The following BRME1 variants were observed in gnomAD, a reference collection of about 807,000 sequenced individuals.
BRME1 encodes break repair meiotic recombinase recruitment factor 1.
A neutral mutation model predicts 52.6 loss-of-function variants in BRME1; 31 were observed. The observed-to-expected ratio is 0.59, with a 90% CI of 0.44 to 0.80. The LOEUF is 0.80. Ranked by LOEUF, BRME1 falls within the 30% of genes least tolerant of loss-of-function variation. BRME1 has a pLI of 0.00. For missense variants in BRME1, 804 were observed against 860.3 expected (o/e 0.93, Z 0.82); for synonymous variants, 359 against 353.6 (o/e 1.02, Z -0.17).
Position 13,895,305 on chromosome 19 carries a change from C to A in BRME1, c.206+67G>T, listed in dbSNP as rs555114774. ...GGTCTCTTTCCCAAAGCATTGCTGT[C>A]TGCTGAGCTGCTGTGCTATGTGGAC... is the stretch of plus-strand genomic sequence containing the variant. On this transcript the variant is annotated intron_variant, in intron 3 of 8. Transcript: ENST00000586783. 1.4e-5 allele frequency: 21 copies of A among 1,500,520 alleles called. No homozygotes were observed. In the East Asian group the frequency reaches 4.6e-4, roughly 33 times the overall value. The allele number at this position is 1,500,520 out of a possible 1,614,324, so 93.0% of individuals were successfully genotyped here. A position where few individuals can be genotyped will look rare whatever the true frequency, so the allele number is the denominator to read the frequency against.
intron 7 of BRME1, chr19:13,885,607 T>G: frequency 4.5e-6 from 1 of 223,016 alleles, no homozygotes; most frequent in Non-Finnish European, 8.9e-6. Flanking sequence ...AGCCAACAGT[T>G]CTGAGCCCTG....
At chr19:13,889,140 G>A (rs369147070) in intron 6 of BRME1, 48 bp downstream of exon 6, 161 of 1,489,574 alleles carry the variant, frequency 1.1e-4, no homozygotes, top group Non-Finnish European at 1.4e-4. Context: ...TGTGGAGGTT[G>A]GGTGCCTGCC....
rs1968800433 is a variant in BRME1, at chr19:13,883,751, C to T, written c.1764-351G>A. ...CCGCAGCTGTGCACCACCTGCCTGC[C>T]CCGTGCCCTCCCCTCATCCCCCGCT... On this transcript the variant is annotated intron_variant, in intron 7 of 8. Transcript: ENST00000586783. This position sits in a 1 kb window ranked among gnomAD's most constrained non-coding sequence, Gnocchi z 4.2. Among the ~76,000 whole-genome samples the T allele has an allele frequency of 6.6e-6, 1 of 151,932 alleles. No homozygotes were observed. The highest frequency in any genetic ancestry group is 1.5e-5 in the Non-Finnish European group (1 of 67,972).
intron 6 of BRME1, among the ~76,000 whole-genome samples, chr19:13,886,733 G>A (rs1969050097): frequency 1.3e-5 from 2 of 151,056 alleles, no homozygotes; most frequent in Admixed American, 1.3e-4. Context: ...GCTGAGGTGG[G>A]AGGATTGTTT....
In BRME1 at chr19:13,883,048, G is replaced by A. The variant is rs1968754676; in HGVS notation, c.1857-96C>T. ...AGCCACATGGTCACCAATGACTCAGGTGCACACACACGGCTCACACACGTG... is the reference window on the plus strand; with the variant it reads ...AGCCACATGGTCACCAATGACTCAGATGCACACACACGGCTCACACACGTG... On this transcript the variant is annotated intron_variant, in intron 8 of 8. Coordinates refer to ENST00000586783, the MANE Select transcript of BRME1 (RefSeq NM_001345843.2). The surrounding 1 kb of genome is among the most constrained non-coding windows in gnomAD (Gnocchi z 4.2). 1 of 1,457,474 alleles carries A rather than the reference G, an allele frequency of 6.9e-7. No individual in the cohort carries two copies. Among genetic ancestry groups the A allele is most frequent in the Non-Finnish European group, 9.3e-7 (1 of 1,071,748 alleles). The allele number at this position is 1,457,474 out of a possible 1,614,324, so 90.3% of individuals were successfully genotyped here. A position where few individuals can be genotyped will look rare whatever the true frequency, so the allele number is the denominator to read the frequency against.
At chr19:13,894,048 A>G (rs1405823395) in intron 3 of BRME1, among the ~76,000 whole-genome samples, 2 of 152,184 alleles carry the variant, frequency 1.3e-5, no homozygotes, top group African/African-American at 2.4e-5. Flanking sequence ...CCTGGAGAAT[A>G]CACTGCCTTA....
Position 13,890,373 on chromosome 19 carries a change from C to A in BRME1, c.483G>T (p.Leu161=). 6.4e-7 allele frequency: 1 copy of A among 1,553,636 alleles called. No individual in the cohort carries two copies. The highest frequency in any genetic ancestry group is 8.7e-7 in the Non-Finnish European group (1 of 1,154,296). Residue 161 remains leucine, a synonymous_variant, in exon 6 of 9, where the codon CTG becomes CTT. Coordinates refer to ENST00000586783, the MANE Select transcript of BRME1 (RefSeq NM_001345843.2). ...LGVPLQEATE[L]GDPTQADSAR... ...CACTGTCTGCCTGCGTTGGGTCCCC[C>A]AGCTCCGTGGCCTCCTGGAGGGGGA...
At chr19:13,891,746 G>A (rs1555726105) in intron 5 of BRME1, among the ~76,000 whole-genome samples, 1 of 151,666 alleles carries the variant, frequency 6.6e-6, no homozygotes, top group Non-Finnish European at 1.5e-5. Context: ...TGGGATTACA[G>A]GTGGGAGCCA....
In BRME1 at chr19:13,882,622, C is replaced by G; in HGVS notation, c.*180G>C. ...CCTGAAGCCAAGGGTGGCAAATGACCTTGACCCTGGCCAGGTGAGGCCAGG... is the reference window on the plus strand; with the variant it reads ...CCTGAAGCCAAGGGTGGCAAATGACGTTGACCCTGGCCAGGTGAGGCCAGG... On this transcript the variant is annotated 3_prime_UTR_variant, in exon 9 of 9. Transcript: ENST00000586783. The G allele has an allele frequency of 1.3e-6, 1 of 740,988 alleles. No homozygotes were observed. The highest frequency in any genetic ancestry group is 2.2e-6 in the Non-Finnish European group (1 of 457,164). 45.9% of individuals were successfully genotyped at this position (740,988 alleles called of 1,614,324 possible). A position where few individuals can be genotyped will look rare whatever the true frequency, so the allele number is the denominator to read the frequency against.
At chr19:13,890,595 T>C (rs1969417722) in intron 5 of BRME1, 133 bp from the exon 6 acceptor site, 1 of 764,974 alleles carries the variant, frequency 1.3e-6, no homozygotes, top group South Asian at 3.0e-5. Flanking sequence ...CCAGGCGTGA[T>C]GGCTCATGCC....
At chr19:13,890,938 A>G (rs1224518061) in intron 5 of BRME1, among the ~76,000 whole-genome samples, 2 of 152,022 alleles carry the variant, frequency 1.3e-5, no homozygotes, top group African/African-American at 4.8e-5. Context: ...CACCCTGTTC[A>G]AAGACTCAGA....
In BRME1 at chr19:13,889,602, G is replaced by A. The variant is rs1969309709; in HGVS notation, c.1254C>T (p.Ser418=). ...PGDVLVGPTA[S]LALAPGSGES... The stretch of plus-strand genomic sequence containing the variant: ...CTCCGCTCCCAGGTGCCAGAGCCAG[G>A]GAGGCTGTAGGGCCCACTAGGACAT... The change falls in exon 6 of 9, where the codon TCC becomes TCT. Residue 418 remains serine (S), a synonymous_variant. Coordinates refer to ENST00000586783, the MANE Select transcript of BRME1 (RefSeq NM_001345843.2). 3 of 1,611,098 alleles carry A rather than the reference G, an allele frequency of 1.9e-6. No homozygotes were observed. Among genetic ancestry groups the A allele is most frequent in the Non-Finnish European group, 2.5e-6 (3 of 1,178,506 alleles).
At position 13,895,974 on chromosome 19, in the gene BRME1, T is replaced by C. The variant is rs542567177; in HGVS notation, c.32-428A>G. Reference sequence around the variant, plus strand: ...GCATTTAAGAGGCTAAAGATGCTTATTGACATCTTTGTATATATAGCGCAG... The same window carrying C: ...GCATTTAAGAGGCTAAAGATGCTTACTGACATCTTTGTATATATAGCGCAG... On this transcript the variant is annotated intron_variant, in intron 2 of 8. Transcript: ENST00000586783. Among the ~76,000 whole-genome samples, 87 of 152,300 alleles carry C rather than the reference T, an allele frequency of 5.7e-4. 1 individual carries two copies. The highest frequency in any genetic ancestry group is 1.5e-3 in the Admixed American group (23 of 15,284).
chr19:13,884,036 C>G (rs1381658112), intron 7 of BRME1, among the ~76,000 whole-genome samples: 1 of 152,150 alleles, frequency 6.6e-6, no homozygotes, highest in African/African-American at 2.4e-5. Context: ...CACTGCCTCC[C>G]CAGCACCCAG....
rs1214663294 is a variant in BRME1 at position 13,906,093 on chromosome 19, A to G, written c.-400T>C. On this transcript the variant is annotated 5_prime_UTR_variant, in exon 1 of 9. Coordinates refer to ENST00000586783, the MANE Select transcript of BRME1 (RefSeq NM_001345843.2). The surrounding 1 kb of genome is among the most constrained non-coding windows in gnomAD (Gnocchi z 4.1). ...CTCTGCCTCTTTCCCGCGCCCCGCG[A>G]GGTCCCGCCCCGCGCATGAGCGACG... 1.7e-5 allele frequency: 4 copies of G among 233,418 alleles called. No homozygotes were observed. Among genetic ancestry groups the G allele is most frequent in the Non-Finnish European group, 3.3e-5 (4 of 120,216 alleles). The allele number at this position is 233,418 out of a possible 1,614,324, so 14.5% of individuals were successfully genotyped here. A position where few individuals can be genotyped will look rare whatever the true frequency, so the allele number is the denominator to read the frequency against.
chr19:13,889,156 C>G, intron 6 of BRME1, 32 bp downstream of exon 6: 1 of 1,521,888 alleles, frequency 6.6e-7, no homozygotes, highest in South Asian at 1.3e-5. Context: ...CTGCCCTGGG[C>G]AGGTATGTCT....
At chr19:13,902,604 C>G (rs1478761956) in intron 2 of BRME1, among the ~76,000 whole-genome samples, 1 of 150,308 alleles carries the variant, frequency 6.7e-6, no homozygotes, top group Non-Finnish European at 1.5e-5. Context: ...CCAGCCTGGG[C>G]AACAAGATCA....
In BRME1 at chr19:13,888,603, G is replaced by T. The variant is rs1413187341; in HGVS notation, c.1668+585C>A. 6.6e-6 allele frequency among the ~76,000 whole-genome samples: 1 copy of T among 152,248 alleles called. No individual in the cohort carries two copies. Among genetic ancestry groups the T allele is most frequent in the Non-Finnish European group, 1.5e-5 (1 of 68,036 alleles). On this transcript the variant is annotated intron_variant, in intron 6 of 8. Transcript: ENST00000586783. The surrounding 1 kb of genome is among the most constrained non-coding windows in gnomAD (Gnocchi z 4.1). The stretch of plus-strand genomic sequence containing the variant: ...TCTGGAGCCAGAGGAGGCCACATCC[G>T]GGCAGCCGGTGGGGCGGGCAGATCC...
chr19:13,883,193 G>A lies in BRME1; in HGVS notation c.1856+115C>T. 2 of 1,052,312 alleles carry A rather than the reference G, an allele frequency of 1.9e-6. No individual in the cohort carries two copies. Among genetic ancestry groups the A allele is most frequent in the South Asian group, 3.0e-5 (2 of 66,120 alleles). 65.2% of individuals were successfully genotyped at this position (1,052,312 alleles called of 1,614,324 possible). A position where few individuals can be genotyped will look rare whatever the true frequency, so the allele number is the denominator to read the frequency against. ...ACGGTGAGGACCCAGCAGCAGTGAG[G>A]TGCCTGACCCTCGCTGCCCACCTAG... On this transcript the variant is annotated intron_variant, in intron 8 of 8. Transcript: ENST00000586783. This position sits in a 1 kb window ranked among gnomAD's most constrained non-coding sequence, Gnocchi z 4.2.
Sources: allele counts gnomAD v4.1 joint callset (sites outside exome capture counted in the v4.1 genomes callset), GRCh38; gene constraint gnomAD v4.1.1; non-coding constraint Gnocchi (gnomAD v3.1); transcripts MANE v1.5; gene names NCBI Gene and HGNC (gene_info 2026-07-23, HGNC 2026-07-21).